The following CMYA5 variants were observed in gnomAD, a reference collection of about 807,000 sequenced individuals.
CMYA5 encodes the protein cardiomyopathy associated 5, also known as cardiomyopathy-associated protein 5.
A neutral mutation model predicts 318.9 loss-of-function variants in CMYA5; 246 were observed. That is an observed-to-expected ratio of 0.77 (90% confidence interval 0.70 to 0.86). CMYA5 has a LOEUF of 0.86. Among genes scored for constraint, CMYA5 ranks in the 40% least tolerant of loss-of-function variants. The pLI is 0.00. For missense variants in CMYA5, 4,589 were observed against 4,678.2 expected (o/e 0.98, Z 0.56); for synonymous variants, 1,641 against 1,729.5 (o/e 0.95, Z 1.27).
intron 1 of CMYA5, among the ~76,000 whole-genome samples, chr5:79,690,958 A>G (rs746098316): frequency 9.9e-5 from 15 of 152,206 alleles, no homozygotes; most frequent in Non-Finnish European, 1.6e-4. Flanking sequence ...AGGAGGATGG[A>G]TGGTCAGACA....
rs2151102617 is a variant in CMYA5 at position 79,799,453 on chromosome 5, A to G, written c.12047A>G (p.Asn4016Ser). ...PARVGILLDY[N>S]NQRLIFINAE... ...AGAGTGGGCATCCTGCTGGACTACAACAACCAGAGACTTATCTTCATCAAC... is the reference window on the plus strand; with the variant it reads ...AGAGTGGGCATCCTGCTGGACTACAGCAACCAGAGACTTATCTTCATCAAC... Residue 4016 changes from asparagine to serine, a missense_variant, in exon 13 of 13, where the codon AAC becomes AGC. Transcript: ENST00000446378. The G allele has an allele frequency of 6.2e-7, 1 of 1,613,980 alleles. No individual in the cohort carries two copies. Among genetic ancestry groups the G allele is most frequent in the Non-Finnish European group, 8.5e-7 (1 of 1,179,894 alleles).
intron 9 of CMYA5, among the ~76,000 whole-genome samples, chr5:79,771,829 A>G (rs1436772902): frequency 1.3e-5 from 2 of 152,190 alleles, no homozygotes. Flanking sequence ...TCTTTCAACT[A>G]GTTTTAAGAC....
intron 12 of CMYA5, among the ~76,000 whole-genome samples, chr5:79,796,143 C>T (rs543247974): frequency 2.6e-5 from 4 of 152,150 alleles, no homozygotes; most frequent in African/African-American, 4.8e-5. Context: ...CTGTAGGGAC[C>T]GGGGACCTTC....
chr5:79,702,549 G>T (rs932146857), intron 1 of CMYA5, among the ~76,000 whole-genome samples: 3 of 152,144 alleles, frequency 2.0e-5, no homozygotes, highest in Admixed American at 6.5e-5. Context: ...CCCAGAATAG[G>T]CAAATCTGTA....
chr5:79,731,780 A>G lies in CMYA5; in HGVS notation c.3015A>G (p.Gln1005=), dbSNP rs566074741. 1.2e-6 allele frequency: 2 copies of G among 1,613,262 alleles called. No homozygotes were observed. The highest frequency in any genetic ancestry group is 2.2e-5 in the East Asian group (1 of 44,878). The change falls in exon 2 of 13, where the codon CAA becomes CAG. Residue 1005 remains glutamine (Q), a synonymous_variant. Transcript: ENST00000446378. ...TGTTCTCTCCAGACTCAGCATCACA[A>G]GTTTCAATCCCTCCCTTTAGAATCT... ...AELFSPDSAS[Q]VSIPPFRISE...
chr5:79,795,623 A>G (rs2151101755), intron 12 of CMYA5, among the ~76,000 whole-genome samples: 1 of 152,362 alleles, frequency 6.6e-6, no homozygotes, highest in South Asian at 2.1e-4. Flanking sequence ...TTTCTGCTCA[A>G]AAATCTACAA....
intron 9 of CMYA5, among the ~76,000 whole-genome samples, chr5:79,770,029 G>A (rs941687939): frequency 1.8e-4 from 27 of 152,294 alleles, no homozygotes; most frequent in African/African-American, 6.0e-4. Flanking sequence ...AGAGGCAGTC[G>A]GGCTAGAGTG....
chr5:79,738,058 T>C lies in CMYA5; in HGVS notation c.9293T>C (p.Val3098Ala). The part of the protein sequence containing the change: ...EETISFPVSS[V>A]ESALEHEYDL... Reference sequence around the variant, plus strand: ...ACTATCTCTTTCCCAGTAAGTTCAGTGGAAAGTGCACTAGAACATGAATAT... The same window carrying C: ...ACTATCTCTTTCCCAGTAAGTTCAGCGGAAAGTGCACTAGAACATGAATAT... The change falls in exon 2 of 13, where the codon GTG becomes GCG. Residue 3098 changes from valine to alanine, a missense_variant. Coordinates refer to ENST00000446378, the MANE Select transcript of CMYA5 (RefSeq NM_153610.5). 1 of 1,613,066 alleles carries C rather than the reference T, an allele frequency of 6.2e-7. No homozygotes were observed.
At chr5:79,752,925 G>A in intron 6 of CMYA5, 131 bp downstream of exon 6, 1 of 596,778 alleles carries the variant, frequency 1.7e-6, no homozygotes, top group Non-Finnish European at 2.9e-6. Flanking sequence ...AGTATTAGTT[G>A]TAAAATGTTA....
At chr5:79,771,579 G>T (rs912661235) in intron 9 of CMYA5, among the ~76,000 whole-genome samples, 2 of 152,156 alleles carry the variant, frequency 1.3e-5, no homozygotes, top group Non-Finnish European at 2.9e-5. Context: ...ATCTCACTAG[G>T]GAACAGTGAT....
intron 1 of CMYA5, among the ~76,000 whole-genome samples, chr5:79,726,097 A>T (rs917537992): frequency 2.0e-5 from 3 of 152,226 alleles, no homozygotes; most frequent in African/African-American, 7.2e-5. Context: ...ATGAGTAAGC[A>T]ACGATTGAGT....
chr5:79,749,675 T>C (rs1302991059), intron 5 of CMYA5, among the ~76,000 whole-genome samples: 1 of 152,108 alleles, frequency 6.6e-6, no homozygotes, highest in African/African-American at 2.4e-5. Flanking sequence ...ATTATAAAAA[T>C]TAAGAACATC....
Position 79,789,041 on chromosome 5 carries a change from G to A in CMYA5, c.11626G>A (p.Val3876Met), listed in dbSNP as rs1829130911. The A allele has an allele frequency of 6.2e-7, 1 of 1,613,914 alleles. No individual in the cohort carries two copies. The highest frequency in any genetic ancestry group is 8.5e-7 in the Non-Finnish European group (1 of 1,179,836). ...ACCCAATGATAACTACTTTTTCTAT[G>A]TGAGGGCCATCAATGCATTTGGGAC... ...LQPNDNYFFY[V>M]RAINAFGTSE... The change falls in exon 10 of 13, where the codon GTG becomes ATG. Residue 3876 changes from valine (V) to methionine (M), a missense_variant. Val to Met is a conservative substitution (Grantham distance 21). Around this residue, in one of 3 missense-constraint regions of CMYA5, gnomAD observed 2,431 missense variants for 2,495.1 expected, o/e 0.97. Coordinates refer to ENST00000446378, the MANE Select transcript of CMYA5 (RefSeq NM_153610.5).
chr5:79,707,759 G>T (rs182491522), intron 1 of CMYA5, among the ~76,000 whole-genome samples: 6 of 152,296 alleles, frequency 3.9e-5, no homozygotes, highest in African/African-American at 1.4e-4. Context: ...GGAAAGGAAG[G>T]GGAAGTAATT....
At chr5:79,771,137 T>G (rs1828848917) in intron 9 of CMYA5, among the ~76,000 whole-genome samples, 1 of 151,986 alleles carries the variant, frequency 6.6e-6, no homozygotes, top group South Asian at 2.1e-4. Context: ...CCCAAGTACT[T>G]TAGGTATGTT....
At chr5:79,699,588 G>A (rs758761390) in intron 1 of CMYA5, among the ~76,000 whole-genome samples, 2 of 152,182 alleles carry the variant, frequency 1.3e-5, no homozygotes, top group Middle Eastern at 3.2e-3. Context: ...GCCTAGAAGA[G>A]GAGAGGGCAT....
chr5:79,698,756 T>C (rs1207489336), intron 1 of CMYA5, among the ~76,000 whole-genome samples: 2 of 152,224 alleles, frequency 1.3e-5, no homozygotes, highest in African/African-American at 4.8e-5. Flanking sequence ...ATTTTATTTA[T>C]TATTGACACC....
rs763503215 is a variant in CMYA5, at chr5:79,736,907, A to G, written c.8142A>G (p.Lys2714=). ...GTQPRPLEES[K]VLVEKTKTFL... is the part of the protein sequence containing the mutation. Reference sequence around the variant, plus strand: ...AACCACGTCCTTTAGAAGAAAGTAAAGTTTTGGTGGAGAAAACTAAGACTT... The same window carrying G: ...AACCACGTCCTTTAGAAGAAAGTAAGGTTTTGGTGGAGAAAACTAAGACTT... The change falls in exon 2 of 13, where the codon AAA becomes AAG. Residue 2714 remains lysine (K), a synonymous_variant. Coordinates refer to ENST00000446378, the MANE Select transcript of CMYA5 (RefSeq NM_153610.5). 1.6e-5 allele frequency: 26 copies of G among 1,613,278 alleles called. No homozygotes were observed. Among genetic ancestry groups the G allele is most frequent in the African/African-American group, 4.0e-5 (3 of 74,754 alleles).
intron 9 of CMYA5, among the ~76,000 whole-genome samples, chr5:79,775,582 T>C (rs952913718): frequency 6.6e-6 from 1 of 152,150 alleles, no homozygotes; most frequent in African/African-American, 2.4e-5. Context: ...AACTCATCTC[T>C]TTTTTTAAAA....
Sources: gnomAD v4.1 joint callset for allele counts (sites outside exome capture counted in the v4.1 genomes callset) on GRCh38, gnomAD v4.1.1 for gene constraint, gnomAD v4.1.1 regional missense constraint, MANE v1.5 for transcripts, NCBI Gene and HGNC (gene_info 2026-07-23, HGNC 2026-07-21) for gene names.